Variants in PTPDC1 observed in about 807,000 individuals in gnomAD.
PTPDC1 encodes protein tyrosine phosphatase domain containing 1.
PTPDC1 carries 53 observed loss-of-function variants against 75.3 expected under a neutral mutation model. The ratio of observed to expected loss-of-function variants is 0.70; its 90% CI spans 0.56 to 0.88. The LOEUF (loss-of-function observed/expected upper bound fraction) is 0.88, where lower values mean the gene tolerates loss of function less well. Ranked by LOEUF, PTPDC1 falls within the 40% of genes least tolerant of loss-of-function variation. The probability of loss-of-function intolerance (pLI) is 0.00; values close to 1 mark genes in which losing one functional copy is unlikely to be tolerated. For synonymous variants in PTPDC1, 349 were observed against 366.2 expected (o/e 0.95, Z 0.54); for missense variants, 925 against 998.6 (o/e 0.93, Z 0.99).
chr9:94,088,065 A>T, intron 3 of PTPDC1, 80 bp from the exon 4 acceptor site: 1 of 1,524,758 alleles, frequency 6.6e-7, no homozygotes, highest in Non-Finnish European at 9.0e-7. Context: ...AGTAATTAAT[A>T]ATGTTGATTA....
intron 1 of PTPDC1, among the ~76,000 whole-genome samples, chr9:94,040,505 C>T (rs1825398823): frequency 1.3e-5 from 2 of 151,918 alleles, no homozygotes; most frequent in Non-Finnish European, 2.9e-5. Context: ...ATATCTGGGC[C>T]ATCATGTGTC....
chr9:94,053,331 C>G (rs1825838750), intron 1 of PTPDC1, among the ~76,000 whole-genome samples: 1 of 151,132 alleles, frequency 6.6e-6, no homozygotes, highest in African/African-American at 2.4e-5. Flanking sequence ...TTTAATGTTG[C>G]CTGGCTTCCT....
At chr9:94,039,217 GA>G (rs1423224957) in intron 1 of PTPDC1, among the ~76,000 whole-genome samples, 2 of 152,038 alleles carry the variant, frequency 1.3e-5, no homozygotes, top group African/African-American at 2.4e-5. Flanking sequence ...CACAGATCAT[GA>G]AAAATAGATA....
At chr9:94,055,179 G>T (rs1825895880) in intron 1 of PTPDC1, among the ~76,000 whole-genome samples, 2 of 152,084 alleles carry the variant, frequency 1.3e-5, no homozygotes, top group Non-Finnish European at 2.9e-5. Flanking sequence ...CACAAACTCT[G>T]GAGCTGAACT....
intron 1 of PTPDC1, among the ~76,000 whole-genome samples, chr9:94,058,092 G>C (rs1826001579): frequency 6.6e-6 from 1 of 152,200 alleles, no homozygotes; most frequent in Non-Finnish European, 1.5e-5. Flanking sequence ...CCAGGCTTCA[G>C]TGCAGGGAGG....
Position 94,056,770 on chromosome 9 carries a change from C to T in PTPDC1, c.-6-7964C>T, listed in dbSNP as rs548717301. Reference sequence around the variant, plus strand: ...GAAGTAGGACATTCTTTGTGTTCTACTGTTCTTAACAGTATGAGTAATAGT... The same window carrying T: ...GAAGTAGGACATTCTTTGTGTTCTATTGTTCTTAACAGTATGAGTAATAGT... On this transcript the variant is annotated intron_variant, in intron 1 of 9. Coordinates refer to the PTPDC1 transcript ENST00000375360. 2.1e-3 allele frequency among the ~76,000 whole-genome samples: 319 copies of T among 152,318 alleles called. 2 individuals are homozygous for T. Among genetic ancestry groups the T allele is most frequent in the African/African-American group, 7.2e-3 (298 of 41,574 alleles).
chr9:94,059,125 C>T (rs1445009206), intron 1 of PTPDC1, among the ~76,000 whole-genome samples: 2 of 151,952 alleles, frequency 1.3e-5, no homozygotes, highest in African/African-American at 2.4e-5. Context: ...CTTATCCTTG[C>T]GATATCTTAC....
At chr9:94,052,045 TTG>T (rs1204678035) in intron 1 of PTPDC1, among the ~76,000 whole-genome samples, 3 of 152,178 alleles carry the variant, frequency 2.0e-5, no homozygotes, top group Non-Finnish European at 4.4e-5. Context: ...AATTTTGATG[TTG>T]TGTTTTTAAA....
At chr9:94,051,513 G>A (rs1825791695) in intron 1 of PTPDC1, among the ~76,000 whole-genome samples, 1 of 152,152 alleles carries the variant, frequency 6.6e-6, no homozygotes, top group African/African-American at 2.4e-5. Flanking sequence ...TCTACTTTCT[G>A]GGAGAGATTA....
At chr9:94,103,043 T>C (rs79124201) in intron 7 of PTPDC1, among the ~76,000 whole-genome samples, 15,070 of 151,240 alleles carry the variant, frequency 0.1, 983 homozygotes, top group Non-Finnish European at 0.14. Flanking sequence ...CGGATGCACA[T>C]GCAGACATGC....
chr9:94,104,840 AG>A lies in PTPDC1; in HGVS notation c.2310+457del, dbSNP rs562881652. On this transcript the variant is annotated intron_variant, in intron 8 of 8. Coordinates refer to ENST00000620992, the MANE Select transcript of PTPDC1 (RefSeq NM_001253829.2). Reference sequence around the variant, plus strand: ...AATCCTAAGGAAAGAGTTAAAAAAAAGGTTTCCTTTCTAAAAGCCCATCCTT... The same window carrying A: ...AATCCTAAGGAAAGAGTTAAAAAAAAGTTTCCTTTCTAAAAGCCCATCCTT... Among the ~76,000 whole-genome samples the A allele has an allele frequency of 1.2e-4, 19 of 152,338 alleles. No homozygotes were observed. The South Asian group carries it at 3.1e-3, about 25-fold the overall frequency.
intron 1 of PTPDC1, among the ~76,000 whole-genome samples, chr9:94,047,494 C>T (rs1242390665): frequency 6.6e-6 from 1 of 152,056 alleles, no homozygotes; most frequent in Non-Finnish European, 1.5e-5. Flanking sequence ...ACCCTAACAT[C>T]ACAATTAAAA....
intron 1 of PTPDC1, among the ~76,000 whole-genome samples, chr9:94,046,684 C>T (rs1283353841): frequency 2.6e-5 from 4 of 152,156 alleles, no homozygotes; most frequent in Admixed American, 2.0e-4. Flanking sequence ...GTGATTTTTA[C>T]ACATCGATTT....
intron 1 of PTPDC1, among the ~76,000 whole-genome samples, chr9:94,040,741 A>G (rs1825405144): frequency 6.6e-6 from 1 of 152,052 alleles, no homozygotes; most frequent in Non-Finnish European, 1.5e-5. Flanking sequence ...AATTTTTACC[A>G]TTTTTACCAT....
intron 2 of PTPDC1, among the ~76,000 whole-genome samples, chr9:94,071,101 A>G (rs1160126222): frequency 1.3e-5 from 2 of 152,206 alleles, no homozygotes; most frequent in African/African-American, 4.8e-5. Flanking sequence ...ACTGTTTTCC[A>G]GAGTAGTTGT....
intron 1 of PTPDC1, among the ~76,000 whole-genome samples, chr9:94,034,931 A>G (rs1419592423): frequency 3.9e-5 from 6 of 152,118 alleles, no homozygotes; most frequent in Non-Finnish European, 8.8e-5. Context: ...TATATTCATC[A>G]CCTCACGTAC....
intron 1 of PTPDC1, among the ~76,000 whole-genome samples, chr9:94,038,837 T>C (rs996138799): frequency 2.0e-5 from 3 of 152,230 alleles, no homozygotes; most frequent in Non-Finnish European, 4.4e-5. Context: ...TTGGCCTTAA[T>C]TATGCCAATC....
At chr9:94,063,478 A>G (rs1003388428) in intron 1 of PTPDC1, among the ~76,000 whole-genome samples, 20 of 152,206 alleles carry the variant, frequency 1.3e-4, no homozygotes, top group African/African-American at 4.8e-4. Flanking sequence ...ATTTTGCATT[A>G]ATTAGTATGA....
In PTPDC1 at chr9:94,066,331, G is replaced by A. The variant is rs1271737635; in HGVS notation, c.82+1510G>A. On this transcript the variant is annotated intron_variant, in intron 2 of 9. Transcript: ENST00000375360. The stretch of plus-strand genomic sequence containing the variant: ...CTAGACAAATAACATCTGCTTTATA[G>A]CTAATTTTATTAAAGCATATCTCAT... Among the ~76,000 whole-genome samples, 6 of 152,124 alleles carry A rather than the reference G, an allele frequency of 3.9e-5. No homozygotes were observed. In the East Asian group the frequency reaches 9.7e-4, roughly 25 times the overall value.
Sources: allele counts gnomAD v4.1 joint callset (sites outside exome capture counted in the v4.1 genomes callset), GRCh38; gene constraint gnomAD v4.1.1; transcripts MANE v1.5; gene names NCBI Gene and HGNC (gene_info 2026-07-23, HGNC 2026-07-21).